TOX: variants seen among roughly 807,000 people sequenced by gnomAD.
TOX encodes thymocyte selection associated high mobility group box.
In TOX, 11 loss-of-function variants were observed where a neutral mutation model predicts 53.7. That is an observed-to-expected ratio of 0.20 (90% confidence interval 0.13 to 0.34). The LOEUF (loss-of-function observed/expected upper bound fraction) is 0.34, where lower values mean the gene tolerates loss of function less well. Ranked by LOEUF, TOX falls within the 10% of genes least tolerant of loss-of-function variation. TOX has a pLI of 1.00. For synonymous variants in TOX, 225 were observed against 245.3 expected (o/e 0.92, Z 0.77); for missense variants, 570 against 664.6 (o/e 0.86, Z 1.56).
chr8:58,970,992 C>T (rs1812991947), intron 1 of TOX, among the ~76,000 whole-genome samples: 1 of 152,202 alleles, frequency 6.6e-6, no homozygotes, highest in African/African-American at 2.4e-5. Flanking sequence ...TCTAAAGAGA[C>T]CACTCAGTCA....
At chr8:59,043,136 T>C (rs1455551285) in intron 1 of TOX, among the ~76,000 whole-genome samples, 1 of 152,024 alleles carries the variant, frequency 6.6e-6, no homozygotes, top group Non-Finnish European at 1.5e-5. Flanking sequence ...TACTCTATCT[T>C]AAAGTATTCA....
chr8:58,969,601 G>C (rs898355913), intron 1 of TOX, among the ~76,000 whole-genome samples: 1 of 151,746 alleles, frequency 6.6e-6, no homozygotes, highest in East Asian at 1.9e-4. Flanking sequence ...TTAGTTTAAG[G>C]CTTCACACAT....
chr8:58,950,160 T>G (rs1407452922), intron 2 of TOX, among the ~76,000 whole-genome samples: 4 of 125,864 alleles, frequency 3.2e-5, no homozygotes, highest in Non-Finnish European at 6.7e-5. Context: ...TACATGTGTA[T>G]AGTTCATATA....
intron 1 of TOX, among the ~76,000 whole-genome samples, chr8:59,103,824 AT>A (rs1390872060): frequency 6.6e-6 from 1 of 152,244 alleles, no homozygotes; most frequent in African/African-American, 2.4e-5. Flanking sequence ...GCAATTACTA[AT>A]AACTTGAGTA....
chr8:59,037,467 T>TA (rs1281057755), intron 1 of TOX, among the ~76,000 whole-genome samples: 5 of 152,112 alleles, frequency 3.3e-5, no homozygotes, highest in African/African-American at 1.2e-4. Context: ...CTTAAAACAA[T>TA]AAAAACAAAA....
At chr8:59,115,827 A>C (rs1484893946) in intron 1 of TOX, among the ~76,000 whole-genome samples, 1 of 152,162 alleles carries the variant, frequency 6.6e-6, no homozygotes, top group Non-Finnish European at 1.5e-5. Flanking sequence ...GGCTATGTGA[A>C]AATGGAGGCT....
At chr8:58,972,660 A>C (rs1456278173) in intron 1 of TOX, among the ~76,000 whole-genome samples, 2 of 152,192 alleles carry the variant, frequency 1.3e-5, no homozygotes, top group African/African-American at 4.8e-5. Flanking sequence ...ACCTAGCTAG[A>C]TACTTAAGCT....
intron 3 of TOX, among the ~76,000 whole-genome samples, chr8:58,903,347 A>C (rs1811760864): frequency 6.6e-6 from 1 of 152,194 alleles, no homozygotes; most frequent in Non-Finnish European, 1.5e-5. Context: ...TAAAAATCCC[A>C]GGGTAAATGT....
intron 3 of TOX, among the ~76,000 whole-genome samples, chr8:58,883,639 C>G (rs1355602904): frequency 2.6e-5 from 4 of 151,878 alleles, no homozygotes; most frequent in Non-Finnish European, 1.5e-5. Context: ...TAATCACTTA[C>G]CAAAAACATC....
At chr8:58,871,496 C>A (rs904577751) in intron 3 of TOX, among the ~76,000 whole-genome samples, 1 of 152,058 alleles carries the variant, frequency 6.6e-6, no homozygotes, top group Non-Finnish European at 1.5e-5. Context: ...TATGAAACAA[C>A]CTCATTGAAA....
chr8:58,930,596 C>T (rs1205106498), intron 3 of TOX, among the ~76,000 whole-genome samples: 2 of 152,154 alleles, frequency 1.3e-5, no homozygotes, highest in African/African-American at 2.4e-5. Context: ...ACAGAACATT[C>T]GCTGGACCTG....
At chr8:59,015,948 C>G (rs967287745) in intron 1 of TOX, among the ~76,000 whole-genome samples, 1 of 152,258 alleles carries the variant, frequency 6.6e-6, no homozygotes, top group African/African-American at 2.4e-5. Context: ...TTGGGTACCA[C>G]TAATCTTTTT....
intron 5 of TOX, among the ~76,000 whole-genome samples, chr8:58,829,808 G>A (rs1166766873): frequency 1.3e-5 from 2 of 152,078 alleles, no homozygotes; most frequent in African/African-American, 4.8e-5. Flanking sequence ...CCACATGCAG[G>A]TGAAGTAGGG....
intron 1 of TOX, among the ~76,000 whole-genome samples, chr8:59,088,853 A>T (rs983813526): frequency 1.3e-5 from 2 of 152,180 alleles, no homozygotes; most frequent in African/African-American, 4.8e-5. Context: ...ATGACTACAC[A>T]TCTCTTAGCA....
At chr8:58,887,817 C>T (rs1811496630) in intron 3 of TOX, among the ~76,000 whole-genome samples, 1 of 151,940 alleles carries the variant, frequency 6.6e-6, no homozygotes, top group South Asian at 2.1e-4. Flanking sequence ...TATACTTGAT[C>T]AATGTTAAGT....
intron 1 of TOX, among the ~76,000 whole-genome samples, chr8:59,107,134 C>G (rs1339707190): frequency 6.7e-6 from 1 of 149,004 alleles, no homozygotes; most frequent in African/African-American, 2.5e-5. Flanking sequence ...AGGCTCTAAA[C>G]TCACTTGAAA....
intron 3 of TOX, among the ~76,000 whole-genome samples, chr8:58,886,693 TA>T (rs1461735329): frequency 6.6e-6 from 1 of 152,038 alleles, no homozygotes; most frequent in African/African-American, 2.4e-5. Flanking sequence ...TGAATTACCC[TA>T]TTGTTTGCAG....
At chr8:59,079,745 A>C (rs912641242) in intron 1 of TOX, among the ~76,000 whole-genome samples, 1 of 152,166 alleles carries the variant, frequency 6.6e-6, no homozygotes, top group Non-Finnish European at 1.5e-5. Flanking sequence ...TAGAAGCCCC[A>C]CACACAGTCC....
intron 2 of TOX, among the ~76,000 whole-genome samples, chr8:58,948,973 G>T (rs900655012): frequency 2.0e-5 from 3 of 152,160 alleles, no homozygotes; most frequent in Non-Finnish European, 2.9e-5. Context: ...CATAACAAAA[G>T]TCAGATAATT....
Sources: gnomAD v4.1 joint callset for allele counts (sites outside exome capture counted in the v4.1 genomes callset) on GRCh38, gnomAD v4.1.1 for gene constraint, MANE v1.5 for transcripts, NCBI Gene and HGNC (gene_info 2026-07-23, HGNC 2026-07-21) for gene names.